Variants in EEIG1 observed in about 807,000 individuals in gnomAD.
The protein encoded by EEIG1 is early estrogen-induced gene 1 protein.
At chr9:127,955,280 G>A in the EEIG1 span, among the ~76,000 whole-genome samples, 1 of 152,228 alleles carries the variant, frequency 6.6e-6, no homozygotes, top group African/African-American at 2.4e-5. Flanking sequence ...AGTCTTGCAA[G>A]GTGGGCTCTA....
At chr9:127,944,981 C>T in the EEIG1 span, 1 of 1,509,078 alleles carries the variant, frequency 6.6e-7, no homozygotes, top group Non-Finnish European at 9.0e-7. Context: ...TAATGCCAGT[C>T]AGCCGCAGCG....
the EEIG1 span, among the ~76,000 whole-genome samples, chr9:127,963,327 G>A: frequency 3.3e-5 from 5 of 152,272 alleles, no homozygotes; most frequent in Non-Finnish European, 7.3e-5. Context: ...GGGACCTGCT[G>A]GCAGGGCTGG....
the EEIG1 span, chr9:127,945,721 T>C: frequency 1.3e-6 from 2 of 1,584,588 alleles, no homozygotes; most frequent in Non-Finnish European, 1.7e-6. This position sits in a 1 kb window ranked among gnomAD's most constrained non-coding sequence, Gnocchi z 6.5. Context: ...TCCTCAGGGC[T>C]GGACAGGTTC....
At chr9:127,945,400 G>A in the EEIG1 span, 7 of 1,585,594 alleles carry the variant, frequency 4.4e-6, no homozygotes, top group East Asian at 2.3e-5. This position sits in a 1 kb window ranked among gnomAD's most constrained non-coding sequence, Gnocchi z 6.5. Context: ...CAGGGGCCGG[G>A]GTGGCCGCGG....
the EEIG1 span, among the ~76,000 whole-genome samples, chr9:127,977,127 C>T: frequency 6.6e-6 from 1 of 152,214 alleles, no homozygotes; most frequent in African/African-American, 2.4e-5. Context: ...CTGCTGTCTC[C>T]AGCCACACCT....
At chr9:127,943,244 G>A in the EEIG1 span, 179 of 1,614,016 alleles carry the variant, frequency 1.1e-4, no homozygotes, top group Non-Finnish European at 8.5e-7. Context: ...GACCCTGCAG[G>A]TGAGAGACAG....
At chr9:127,950,988 C>A in the EEIG1 span, among the ~76,000 whole-genome samples, 2 of 152,164 alleles carry the variant, frequency 1.3e-5, no homozygotes, top group African/African-American at 4.8e-5. Flanking sequence ...AGGGGCACTG[C>A]AGGATGAGCA....
the EEIG1 span, chr9:127,945,323 G>A: frequency 4.0e-5 from 57 of 1,434,076 alleles, 1 homozygote; most frequent in East Asian, 3.4e-4. The surrounding 1 kb of genome is among the most constrained non-coding windows in gnomAD (Gnocchi z 6.5). Flanking sequence ...AGGCACCACC[G>A]GGAGAGGTCT....
the EEIG1 span, chr9:127,942,995 T>TA: frequency 9.7e-6 from 6 of 620,404 alleles, no homozygotes; most frequent in Non-Finnish European, 1.8e-5. Flanking sequence ...GCCTGGGCCT[T>TA]GGTGGGCCAG....
chr9:127,952,564 T>C, the EEIG1 span, among the ~76,000 whole-genome samples: 1 of 152,186 alleles, frequency 6.6e-6, no homozygotes. Flanking sequence ...CTGGTAACAA[T>C]GCACATGTCC....
chr9:127,963,307 T>C, the EEIG1 span, among the ~76,000 whole-genome samples: 1 of 152,200 alleles, frequency 6.6e-6, no homozygotes, highest in Non-Finnish European at 1.5e-5. Context: ...AGTCACCCCA[T>C]GCAGTACATG....
the EEIG1 span, among the ~76,000 whole-genome samples, chr9:127,964,039 G>A: frequency 1.3e-5 from 2 of 152,194 alleles, no homozygotes; most frequent in Admixed American, 1.3e-4. Context: ...AGTGGGAACA[G>A]CACAGGGAAG....
the EEIG1 span, among the ~76,000 whole-genome samples, chr9:127,956,239 C>T: frequency 6.6e-6 from 1 of 152,096 alleles, no homozygotes; most frequent in South Asian, 2.1e-4. Flanking sequence ...GTTCTAGGCA[C>T]TCGAACCACA....
At chr9:127,944,942 T>C in the EEIG1 span, 2 of 1,594,144 alleles carry the variant, frequency 1.3e-6, no homozygotes, top group Non-Finnish European at 1.7e-6. Flanking sequence ...GTCAGGGCAG[T>C]AACAGGTACA....
At chr9:127,957,840 C>T in the EEIG1 span, among the ~76,000 whole-genome samples, 310 of 152,296 alleles carry the variant, frequency 2.0e-3, no homozygotes, top group African/African-American at 7.2e-3. Flanking sequence ...TGGCAAAACC[C>T]CATCTCTACT....
chr9:127,953,965 T>A, the EEIG1 span: 2 of 1,610,576 alleles, frequency 1.2e-6, no homozygotes, highest in Admixed American at 3.3e-5. Flanking sequence ...GGCACACACA[T>A]CCGCGCCAGG....
the EEIG1 span, among the ~76,000 whole-genome samples, chr9:127,976,665 C>CACCTGCTCT: frequency 2.0e-5 from 3 of 152,328 alleles, no homozygotes; most frequent in Admixed American, 1.3e-4. This position sits in a 1 kb window ranked among gnomAD's most constrained non-coding sequence, Gnocchi z 4.1. Context: ...CCTGATGCAC[C>CACCTGCTCT]ACCTGCTCTA....
the EEIG1 span, among the ~76,000 whole-genome samples, chr9:127,973,494 C>T: frequency 8.5e-5 from 13 of 152,314 alleles, no homozygotes; most frequent in Admixed American, 4.6e-4. The surrounding 1 kb of genome is among the most constrained non-coding windows in gnomAD (Gnocchi z 4.2). Flanking sequence ...CAGATCATCT[C>T]GGGTCAGGGC....
chr9:127,953,974 G>A, the EEIG1 span: 2 of 1,607,600 alleles, frequency 1.2e-6, no homozygotes, highest in Non-Finnish European at 8.5e-7. Flanking sequence ...ATCCGCGCCA[G>A]GGGACTCCAT....
Sources: allele counts gnomAD v4.1 joint callset (sites outside exome capture counted in the v4.1 genomes callset), GRCh38; gene constraint gnomAD v4.1.1; non-coding constraint Gnocchi (gnomAD v3.1); transcripts MANE v1.5; gene names NCBI Gene and HGNC (gene_info 2026-07-23, HGNC 2026-07-21).